IL1RL2: variants seen among roughly 807,000 people sequenced by gnomAD.
IL1RL2 encodes the protein interleukin-1 receptor-like 2.
In IL1RL2, 68 loss-of-function variants were observed where a neutral mutation model predicts 66.8. The ratio of observed to expected loss-of-function variants is 1.02; its 90% CI spans 0.84 to 1.25. The LOEUF is 1.25. Ranked by LOEUF, IL1RL2 falls within the 50% of genes most tolerant of loss-of-function variation. The pLI, the probability that IL1RL2 is intolerant of heterozygous loss-of-function variation, is 0.00. For synonymous variants in IL1RL2, 305 were observed against 264.6 expected, an observed-to-expected ratio of 1.15 and a Z score of -1.48; for missense variants, 729 against 709.3, an observed-to-expected ratio of 1.03 and a Z score of -0.32.
rs1417607255 is a variant in IL1RL2, at chr2:102,239,777, G to C, written c.*536G>C. On this transcript the variant is annotated 3_prime_UTR_variant, in exon 12 of 12. Transcript: ENST00000264257. ...ACCATGTCATGGTGGGTGAGATCTT[G>C]GGGGATCACCTGTCATGGTGGGTGA... 6.2e-6 allele frequency: 1 copy of C among 162,434 alleles called. No homozygotes were observed. Among genetic ancestry groups the C allele is most frequent in the Admixed American group, 5.8e-5 (1 of 17,214 alleles). 10.1% of individuals were successfully genotyped at this position (162,434 alleles called of 1,614,324 possible).
chr2:102,210,248 T>C (rs1384921512), intron 5 of IL1RL2, among the ~76,000 whole-genome samples: 3 of 151,510 alleles, frequency 2.0e-5, no homozygotes, highest in Admixed American at 6.6e-5. Flanking sequence ...ATCTGAAGAG[T>C]AGAAAGCAGG....
chr2:102,210,838 T>G (rs1689109819), intron 5 of IL1RL2, among the ~76,000 whole-genome samples: 1 of 152,136 alleles, frequency 6.6e-6, no homozygotes, highest in African/African-American at 2.4e-5. Flanking sequence ...GGCATGGAGC[T>G]TAGAGGAAGG....
At chr2:102,206,299 C>T (rs1460213906) in intron 5 of IL1RL2, among the ~76,000 whole-genome samples, 1 of 152,050 alleles carries the variant, frequency 6.6e-6, no homozygotes, top group Non-Finnish European at 1.5e-5. Context: ...GGTGTTGATG[C>T]TAGTAGATGT....
intron 5 of IL1RL2, among the ~76,000 whole-genome samples, chr2:102,202,217 T>G (rs1688321446): frequency 6.6e-6 from 1 of 152,094 alleles, no homozygotes; most frequent in African/African-American, 2.4e-5. Flanking sequence ...CTCTTGAACA[T>G]ATGCCTGGAG....
At chr2:102,240,226 T>C (rs146488541), downstream of IL1RL2, among the ~76,000 whole-genome samples, 1 of 152,246 alleles carries the variant, frequency 6.6e-6, no homozygotes, top group Non-Finnish European at 1.5e-5. Flanking sequence ...TCATGCACAA[T>C]AGCTTTTTTT....
In IL1RL2 at chr2:102,219,935, G is replaced by C; in HGVS notation, c.909G>C (p.Leu303Phe). ...TGTACACAGTAAACATCACCTTCTT[G>C]GAAGTGAAAATGGAAGATTATGGCC... ...HNLYTVNITF[L>F]EVKMEDYGLP... is the part of the protein sequence containing the mutation. Residue 303 changes from leucine (L) to phenylalanine (F), a missense_variant, in exon 8 of 12, where the codon TTG (leucine) becomes TTC (phenylalanine). Leu to Phe is a conservative substitution (Grantham distance 22). Coordinates refer to ENST00000264257, the MANE Select transcript of IL1RL2 (RefSeq NM_003854.4). 6.2e-7 allele frequency: 1 copy of C among 1,613,644 alleles called. No individual in the cohort carries two copies. The highest frequency in any genetic ancestry group is 8.5e-7 in the Non-Finnish European group (1 of 1,179,594).
At chr2:102,237,322 C>G (rs35894223) in intron 11 of IL1RL2, among the ~76,000 whole-genome samples, 1 of 152,186 alleles carries the variant, frequency 6.6e-6, no homozygotes, top group East Asian at 1.9e-4. Flanking sequence ...CTTACTGCCC[C>G]GGGGTTAGTC....
intron 4 of IL1RL2, among the ~76,000 whole-genome samples, chr2:102,195,026 G>C (rs569274886): frequency 1.1e-3 from 163 of 152,276 alleles, no homozygotes; most frequent in African/African-American, 3.8e-3. Flanking sequence ...AGACAATGTA[G>C]AAATGAAGGA....
At chr2:102,228,359 T>C (rs1000999184) in intron 9 of IL1RL2, among the ~76,000 whole-genome samples, 4 of 152,200 alleles carry the variant, frequency 2.6e-5, no homozygotes, top group African/African-American at 7.2e-5. Flanking sequence ...ATGTCCTTCG[T>C]AGGATAAGTC....
chr2:102,196,508 G>T (rs977307499), intron 4 of IL1RL2, among the ~76,000 whole-genome samples: 1 of 152,152 alleles, frequency 6.6e-6, no homozygotes, highest in African/African-American at 2.4e-5. Context: ...GATCTTCTTG[G>T]TGCTGTGCCA....
intron 4 of IL1RL2, among the ~76,000 whole-genome samples, chr2:102,199,562 C>T (rs3771195): frequency 0.28 from 42,693 of 152,092 alleles, 6,628 homozygotes; most frequent in East Asian, 0.38. Context: ...TGAGACATTA[C>T]CCTAAAGATT....
Position 102,239,697 on chromosome 2 carries a change from T to G in IL1RL2, c.*456T>G. ...AGCTGGGAGCATCCCCATGTCATGG[T>G]GGGCGAGATCTGGGGGGTATCCCCA... On this transcript the variant is annotated 3_prime_UTR_variant, in exon 12 of 12. Coordinates refer to ENST00000264257, the MANE Select transcript of IL1RL2 (RefSeq NM_003854.4). 5.8e-6 allele frequency: 1 copy of G among 172,926 alleles called. No individual in the cohort carries two copies. 10.7% of individuals were successfully genotyped at this position (172,926 alleles called of 1,614,324 possible).
intron 11 of IL1RL2, among the ~76,000 whole-genome samples, chr2:102,236,356 G>A (rs35068445): frequency 0.02 from 3,050 of 152,206 alleles, 65 homozygotes; most frequent in African/African-American, 0.051. Flanking sequence ...AGGATGGCAT[G>A]GGGAGCAGGG....
intron 4 of IL1RL2, among the ~76,000 whole-genome samples, chr2:102,192,510 C>T (rs2104714735): frequency 6.6e-6 from 1 of 152,304 alleles, no homozygotes; most frequent in African/African-American, 2.4e-5. Flanking sequence ...GTTCTGGGCT[C>T]ATCACACCTT....
chr2:102,206,216 A>G (rs1441286638), intron 5 of IL1RL2, among the ~76,000 whole-genome samples: 1 of 152,152 alleles, frequency 6.6e-6, no homozygotes, highest in Non-Finnish European at 1.5e-5. Flanking sequence ...GAAACATCAC[A>G]TATCTCTGTT....
chr2:102,203,463 G>T (rs1424907635), intron 5 of IL1RL2, among the ~76,000 whole-genome samples: 1 of 151,784 alleles, frequency 6.6e-6, no homozygotes, highest in Non-Finnish European at 1.5e-5. Flanking sequence ...GAGCAGGATT[G>T]GTATTAGTTC....
At chr2:102,208,427 C>T (rs1191343237) in intron 5 of IL1RL2, among the ~76,000 whole-genome samples, 1 of 152,224 alleles carries the variant, frequency 6.6e-6, no homozygotes, top group African/African-American at 2.4e-5. Context: ...ATGCCCAGGC[C>T]AGCATTGGTT....
intron 4 of IL1RL2, among the ~76,000 whole-genome samples, chr2:102,196,502 T>C (rs34985151): frequency 0.012 from 1,893 of 152,330 alleles, 36 homozygotes; most frequent in African/African-American, 0.041. Context: ...GTCTGTGATC[T>C]TCTTGGTGCT....
intron 4 of IL1RL2, among the ~76,000 whole-genome samples, chr2:102,198,401 C>A (rs1356936259): frequency 2.6e-5 from 4 of 152,198 alleles, no homozygotes; most frequent in African/African-American, 9.6e-5. Context: ...CATCTGTCTA[C>A]ACCTGGAAAA....
Sources: gnomAD v4.1 joint callset for allele counts (sites outside exome capture counted in the v4.1 genomes callset) on GRCh38, gnomAD v4.1.1 for gene constraint, MANE v1.5 for transcripts, NCBI Gene and HGNC (gene_info 2026-07-23, HGNC 2026-07-21) for gene names.